TBC1D22A: variants seen among roughly 807,000 people sequenced by gnomAD.
The protein encoded by TBC1D22A is putative GTPase activator.
A neutral mutation model predicts 60.2 loss-of-function variants in TBC1D22A; 38 were observed. The observed-to-expected ratio is 0.63, with a 90% CI of 0.49 to 0.83. The LOEUF (loss-of-function observed/expected upper bound fraction) is 0.83. Ranked by LOEUF, TBC1D22A falls within the 40% of genes least tolerant of loss-of-function variation. The pLI, the probability that TBC1D22A is intolerant of heterozygous loss-of-function variation, is 0.00. For missense variants in TBC1D22A, 628 were observed against 701.0 expected, an observed-to-expected ratio of 0.90 and a Z score of 1.18; for synonymous variants, 302 against 281.7, an observed-to-expected ratio of 1.07 and a Z score of -0.72.
chr22:46,981,654 C>T (rs747157588), intron 9 of TBC1D22A, among the ~76,000 whole-genome samples: 5 of 152,196 alleles, frequency 3.3e-5, no homozygotes, highest in Admixed American at 6.5e-5. Flanking sequence ...CTGCAAAGAA[C>T]GTGCCTCTTC....
At chr22:47,138,693 A>G (rs1223463411) in intron 12 of TBC1D22A, among the ~76,000 whole-genome samples, 1 of 152,208 alleles carries the variant, frequency 6.6e-6, no homozygotes, top group Admixed American at 6.5e-5. Context: ...AATAGCATAG[A>G]TGGTGGGCTT....
At chr22:47,085,783 A>C (rs1454197518) in intron 11 of TBC1D22A, among the ~76,000 whole-genome samples, 2 of 152,222 alleles carry the variant, frequency 1.3e-5, no homozygotes, top group Non-Finnish European at 2.9e-5. Flanking sequence ...AAAAGGGCCA[A>C]GGATTCAAAT....
At chr22:46,970,420 C>T (rs1446705934) in intron 8 of TBC1D22A, among the ~76,000 whole-genome samples, 1 of 152,220 alleles carries the variant, frequency 6.6e-6, no homozygotes, top group African/African-American at 2.4e-5. Context: ...CATTTGTGAT[C>T]TTACCTGAAA....
chr22:47,011,801 A>G (rs773908751), intron 10 of TBC1D22A, among the ~76,000 whole-genome samples: 2 of 152,110 alleles, frequency 1.3e-5, no homozygotes, highest in African/African-American at 4.8e-5. Flanking sequence ...CCTTTAATTC[A>G]TAGAATAGAA....
intron 10 of TBC1D22A, among the ~76,000 whole-genome samples, chr22:47,002,016 G>A (rs749912155): frequency 1.3e-4 from 20 of 152,132 alleles, no homozygotes; most frequent in Non-Finnish European, 2.5e-4. Context: ...TCTAGCTAAT[G>A]TGTTCTCAAT....
At chr22:46,784,521 C>T (rs1463816903) in intron 1 of TBC1D22A, among the ~76,000 whole-genome samples, 1 of 152,148 alleles carries the variant, frequency 6.6e-6, no homozygotes, top group Admixed American at 6.5e-5. Context: ...AAATGGGGTT[C>T]CTTTAGTCTC....
chr22:46,995,780 G>A (rs1038427374), intron 9 of TBC1D22A, among the ~76,000 whole-genome samples: 3 of 152,084 alleles, frequency 2.0e-5, no homozygotes, highest in African/African-American at 7.2e-5. Context: ...CTCTGTGGCC[G>A]CGTCCCCTCA....
intron 4 of TBC1D22A, among the ~76,000 whole-genome samples, chr22:46,846,334 G>A (rs918108715): frequency 2.6e-4 from 40 of 152,226 alleles, no homozygotes; most frequent in African/African-American, 9.4e-4. Context: ...GTCAGTGGGC[G>A]TGGCGACATC....
chr22:46,931,741 T>G (rs1223759265), intron 8 of TBC1D22A, among the ~76,000 whole-genome samples: 1 of 152,206 alleles, frequency 6.6e-6, no homozygotes, highest in Non-Finnish European at 1.5e-5. Context: ...CTTTCCTGGG[T>G]CTGATTCTTA....
At chr22:46,863,035 G>A (rs1387703753) in intron 4 of TBC1D22A, among the ~76,000 whole-genome samples, 3 of 152,240 alleles carry the variant, frequency 2.0e-5, no homozygotes, top group Non-Finnish European at 4.4e-5. Context: ...CGCAGGGTAA[G>A]CGTGGCATGG....
chr22:46,883,875 C>G (rs2067976828), intron 5 of TBC1D22A, among the ~76,000 whole-genome samples: 1 of 152,246 alleles, frequency 6.6e-6, no homozygotes, highest in Non-Finnish European at 1.5e-5. Context: ...CTCTCCACCT[C>G]TGTCTTCTCC....
At chr22:46,868,990 C>A (rs1013933377) in intron 4 of TBC1D22A, among the ~76,000 whole-genome samples, 1 of 152,190 alleles carries the variant, frequency 6.6e-6, no homozygotes, top group Non-Finnish European at 1.5e-5. Context: ...TCTGGGGGTT[C>A]TTTGCCCTCA....
intron 12 of TBC1D22A, among the ~76,000 whole-genome samples, chr22:47,160,578 A>C (rs1005276224): frequency 1.3e-5 from 2 of 152,084 alleles, no homozygotes; most frequent in Admixed American, 1.3e-4. Flanking sequence ...CGTCCTCTCT[A>C]CCTCACCCCG....
At chr22:47,092,427 G>A (rs1358099113) in intron 11 of TBC1D22A, among the ~76,000 whole-genome samples, 2 of 152,196 alleles carry the variant, frequency 1.3e-5, no homozygotes, top group Non-Finnish European at 2.9e-5. Flanking sequence ...GGCTGGGAGA[G>A]CAGGAATGAG....
At chr22:46,865,294 C>T (rs2066997824) in intron 4 of TBC1D22A, among the ~76,000 whole-genome samples, 1 of 152,230 alleles carries the variant, frequency 6.6e-6, no homozygotes, top group African/African-American at 2.4e-5. Context: ...TATTGTTTTA[C>T]ACTCTGTGCT....
intron 8 of TBC1D22A, among the ~76,000 whole-genome samples, chr22:46,931,642 G>T (rs943657137): frequency 6.6e-6 from 1 of 152,182 alleles, no homozygotes; most frequent in East Asian, 1.9e-4. Flanking sequence ...GCACCTTTGG[G>T]AATGTCCTGA....
chr22:47,007,786 C>T (rs1386332018), intron 10 of TBC1D22A, among the ~76,000 whole-genome samples: 1 of 152,090 alleles, frequency 6.6e-6, no homozygotes, highest in Non-Finnish European at 1.5e-5. Context: ...GGATCAGGGT[C>T]CCACCCTCAC....
At chr22:46,977,367 T>C (rs1035615717) in intron 9 of TBC1D22A, among the ~76,000 whole-genome samples, 1 of 152,092 alleles carries the variant, frequency 6.6e-6, no homozygotes, top group African/African-American at 2.4e-5. Flanking sequence ...CTGCCTTCTC[T>C]CTGCAGGTGC....
intron 10 of TBC1D22A, among the ~76,000 whole-genome samples, chr22:47,014,957 G>T (rs2061861503): frequency 6.6e-6 from 1 of 152,162 alleles, no homozygotes. Flanking sequence ...GCCCCAAGGG[G>T]CTTATGTTCA....
Sources: allele counts gnomAD v4.1 joint callset (sites outside exome capture counted in the v4.1 genomes callset), GRCh38; gene constraint gnomAD v4.1.1; transcripts MANE v1.5; gene names NCBI Gene and HGNC (gene_info 2026-07-23, HGNC 2026-07-21).